Variants in AGBL4 observed in about 807,000 individuals in gnomAD.
The protein encoded by AGBL4 is cytosolic carboxypeptidase 6.
In AGBL4, 58 loss-of-function variants were observed where a neutral mutation model predicts 66.4. The ratio of observed to expected loss-of-function variants is 0.87; its 90% CI spans 0.71 to 1.09. The LOEUF is 1.09. AGBL4 is among the 50% of genes least tolerant of loss of function. The probability of loss-of-function intolerance (pLI) is 0.00; values close to 1 mark genes in which losing one functional copy is unlikely to be tolerated. For missense variants in AGBL4, 579 were observed against 631.0 expected, an observed-to-expected ratio of 0.92 and a Z score of 0.88; for synonymous variants, 234 against 222.9, an observed-to-expected ratio of 1.05 and a Z score of -0.44.
rs549916195 is a variant in AGBL4, at chr1:48,663,371, A to G, written c.635-130T>C. The G allele has an allele frequency of 4.1e-5, 32 of 777,676 alleles. No individual in the cohort carries two copies. In the South Asian group the frequency reaches 5.0e-4, roughly 12 times the overall value. The allele number at this position is 777,676 out of a possible 1,614,324, so 48.2% of individuals were successfully genotyped here. A position where few individuals can be genotyped will look rare whatever the true frequency, so the allele number is the denominator to read the frequency against. On this transcript the variant is annotated intron_variant, in intron 6 of 13. Transcript: ENST00000371839. Reference sequence around the variant, plus strand: ...CATTTACCTCTTAAACCACTGGGTTAGAATCATTAAGGTCCAGCCATTGCT... The same window carrying G: ...CATTTACCTCTTAAACCACTGGGTTGGAATCATTAAGGTCCAGCCATTGCT...
intron 4 of AGBL4, among the ~76,000 whole-genome samples, chr1:49,139,263 C>A (rs1324212731): frequency 6.6e-6 from 1 of 152,118 alleles, no homozygotes; most frequent in Non-Finnish European, 1.5e-5. Flanking sequence ...TTTTTAAGTG[C>A]AATAATTCAG....
chr1:48,947,204 T>A (rs1392558695), intron 5 of AGBL4, among the ~76,000 whole-genome samples: 2 of 152,238 alleles, frequency 1.3e-5, no homozygotes, highest in South Asian at 2.1e-4. Flanking sequence ...AGGTTAGGCC[T>A]CCCCTTGTAT....
intron 1 of AGBL4, among the ~76,000 whole-genome samples, chr1:49,877,587 C>A (rs1328556000): frequency 6.6e-6 from 1 of 151,934 alleles, no homozygotes; most frequent in African/African-American, 2.4e-5. Flanking sequence ...ATTTTTGCAT[C>A]GATGTTCATC....
At chr1:48,590,779 G>A (rs770454422) in intron 10 of AGBL4, 54 bp downstream of exon 10, 14 of 1,527,890 alleles carry the variant, frequency 9.2e-6, no homozygotes, top group Middle Eastern at 4.3e-4. Flanking sequence ...GAAGGAAGAC[G>A]GGGAGGCAGG....
intron 8 of AGBL4, chr1:48,647,653 GAGATGGAAAGT>G: frequency 2.3e-6 from 1 of 435,860 alleles, no homozygotes; most frequent in African/African-American, 2.0e-5. Flanking sequence ...TTGTTGTACG[GAGATGGAAAGT>G]CTGTTTTTCA....
At chr1:49,430,084 C>G (rs1373507702) in intron 3 of AGBL4, among the ~76,000 whole-genome samples, 1 of 152,028 alleles carries the variant, frequency 6.6e-6, no homozygotes, top group African/African-American at 2.4e-5. Context: ...AACTCCTGAG[C>G]TCAAGCAATC....
At chr1:49,133,231 C>A (rs1283042659) in intron 4 of AGBL4, among the ~76,000 whole-genome samples, 1 of 151,972 alleles carries the variant, frequency 6.6e-6, no homozygotes, top group East Asian at 1.9e-4. Context: ...CACACTGGGG[C>A]CTGTCAGGGG....
intron 2 of AGBL4, among the ~76,000 whole-genome samples, chr1:49,698,247 C>A (rs1006352446): frequency 2.0e-5 from 3 of 152,146 alleles, no homozygotes; most frequent in Non-Finnish European, 4.4e-5. Context: ...CCTCTTCCAA[C>A]ATCTGTTTCC....
chr1:49,372,733 C>T (rs1423125166), intron 3 of AGBL4, among the ~76,000 whole-genome samples: 3 of 144,126 alleles, frequency 2.1e-5, no homozygotes, highest in African/African-American at 7.7e-5. Flanking sequence ...CTTTCTTTCC[C>T]TCTCTCTCTT....
In AGBL4 at chr1:48,609,791, C is replaced by T. The variant is rs558296637; in HGVS notation, c.952-18806G>A. ...CCTAAAATTCTCTCCCCACTGCATG[C>T]GGATGTCTGGCCAACTCCTATTTAT... On this transcript the variant is annotated intron_variant, in intron 9 of 13. Transcript: ENST00000371839. 5.3e-5 allele frequency among the ~76,000 whole-genome samples: 8 copies of T among 152,290 alleles called. No homozygotes were observed. The East Asian group carries it at 1.2e-3, about 22-fold the overall frequency.
chr1:49,293,977 A>G (rs1228556358), intron 3 of AGBL4, among the ~76,000 whole-genome samples: 3 of 152,198 alleles, frequency 2.0e-5, no homozygotes, highest in Non-Finnish European at 2.9e-5. Flanking sequence ...GCAGAACTAA[A>G]TCTAAATGTC....
At chr1:48,728,711 G>T (rs1018405905) in intron 6 of AGBL4, among the ~76,000 whole-genome samples, 1 of 152,174 alleles carries the variant, frequency 6.6e-6, no homozygotes, top group Non-Finnish European at 1.5e-5. Flanking sequence ...GCCTAGGCGT[G>T]GACTTGCTGA....
chr1:48,935,894 C>T (rs1386708989), intron 5 of AGBL4, among the ~76,000 whole-genome samples: 11 of 129,322 alleles, frequency 8.5e-5, no homozygotes, highest in Non-Finnish European at 1.1e-4. Context: ...GGGAGGCGGA[C>T]GTTGCAGTGA....
intron 6 of AGBL4, among the ~76,000 whole-genome samples, chr1:48,750,515 C>G (rs1255567292): frequency 6.6e-6 from 1 of 152,158 alleles, no homozygotes; most frequent in African/African-American, 2.4e-5. Context: ...GTATCCTTTC[C>G]CAACATCCTG....
chr1:49,021,346 T>A (rs1045014553), intron 5 of AGBL4, among the ~76,000 whole-genome samples: 1 of 152,188 alleles, frequency 6.6e-6, no homozygotes, highest in Non-Finnish European at 1.5e-5. Flanking sequence ...TGGTGTGCTA[T>A]GGTCTGAACG....
chr1:48,578,647 A>T (rs1644690274), intron 11 of AGBL4, among the ~76,000 whole-genome samples: 1 of 152,168 alleles, frequency 6.6e-6, no homozygotes, highest in South Asian at 2.1e-4. Flanking sequence ...CCCCAACCAC[A>T]TACAGATGCC....
intron 3 of AGBL4, among the ~76,000 whole-genome samples, chr1:49,313,140 T>C (rs567876541): frequency 1.3e-5 from 2 of 152,212 alleles, no homozygotes; most frequent in African/African-American, 2.4e-5. Context: ...TTTTCTCTTC[T>C]TGTTTTAGCT....
chr1:49,537,453 A>C (rs1455370474), intron 3 of AGBL4, among the ~76,000 whole-genome samples: 3 of 152,218 alleles, frequency 2.0e-5, no homozygotes, highest in Admixed American at 2.0e-4. Flanking sequence ...ACAACAACAA[A>C]CAATCAAGTA....
chr1:49,225,162 T>A (rs1489287509), intron 4 of AGBL4, among the ~76,000 whole-genome samples: 1 of 152,232 alleles, frequency 6.6e-6, no homozygotes, highest in Non-Finnish European at 1.5e-5. Flanking sequence ...TATATCTACA[T>A]GCAAACTACT....
Sources: gnomAD v4.1 joint callset for allele counts (sites outside exome capture counted in the v4.1 genomes callset) on GRCh38, gnomAD v4.1.1 for gene constraint, MANE v1.5 for transcripts, NCBI Gene and HGNC (gene_info 2026-07-23, HGNC 2026-07-21) for gene names.